FGF14: variants seen among roughly 807,000 people sequenced by gnomAD.
FGF14 encodes fibroblast growth factor homologous factor 4.
A neutral mutation model predicts 25.5 loss-of-function variants in FGF14; 5 were observed. The observed-to-expected ratio is 0.20, with a 90% CI of 0.10 to 0.41. FGF14 has a LOEUF of 0.41. FGF14 is among the 10% of genes least tolerant of loss of function. FGF14 has a pLI of 1.00. For missense variants in FGF14, 222 were observed against 320.1 expected (o/e 0.69, Z 2.34); for synonymous variants, 138 against 118.3 (o/e 1.17, Z -1.08).
chr13:102,208,203 C>T (rs567003218), intron 1 of FGF14, among the ~76,000 whole-genome samples: 3 of 152,290 alleles, frequency 2.0e-5, no homozygotes, highest in African/African-American at 7.2e-5. Context: ...AATCTGTTCT[C>T]TTTTTTCATT....
At chr13:101,875,758 A>G (rs1566359665) in intron 1 of FGF14, among the ~76,000 whole-genome samples, 1 of 152,110 alleles carries the variant, frequency 6.6e-6, no homozygotes, top group African/African-American at 2.4e-5. Flanking sequence ...AAAACAAAAA[A>G]TACCTATATT....
chr13:102,101,583 T>C (rs2044664255), intron 1 of FGF14, among the ~76,000 whole-genome samples: 1 of 152,222 alleles, frequency 6.6e-6, no homozygotes, highest in Non-Finnish European at 1.5e-5. Context: ...AAATACACTT[T>C]GCATTCATCC....
chr13:102,168,652 T>C (rs2140659150), intron 1 of FGF14, among the ~76,000 whole-genome samples: 1 of 152,290 alleles, frequency 6.6e-6, no homozygotes. Context: ...AATCACTGGA[T>C]TCCTTATTTT....
At chr13:101,830,789 G>A (rs2042632744) in intron 3 of FGF14, among the ~76,000 whole-genome samples, 1 of 152,092 alleles carries the variant, frequency 6.6e-6, no homozygotes, top group African/African-American at 2.4e-5. Flanking sequence ...AAATCAAGGT[G>A]TTGGCAGACT....
At chr13:102,394,020 G>A (rs148664298) in intron 1 of FGF14, among the ~76,000 whole-genome samples, 8 of 152,312 alleles carry the variant, frequency 5.3e-5, no homozygotes, top group Non-Finnish European at 1.0e-4. Context: ...ATTAGAGCTG[G>A]GGCTGATCTG....
At chr13:102,322,123 C>G (rs1486627402) in intron 1 of FGF14, among the ~76,000 whole-genome samples, 1 of 152,150 alleles carries the variant, frequency 6.6e-6, no homozygotes, top group African/African-American at 2.4e-5. Flanking sequence ...GATTTGCCTT[C>G]TAGGAAGAGC....
intron 3 of FGF14, among the ~76,000 whole-genome samples, chr13:101,731,124 CAAAG>C (rs1474602476): frequency 6.6e-6 from 1 of 152,078 alleles, no homozygotes; most frequent in Non-Finnish European, 1.5e-5. Flanking sequence ...CAGCAAGAAC[CAAAG>C]AAAGAGGAGC....
chr13:101,732,888 C>A (rs868215031), intron 3 of FGF14, among the ~76,000 whole-genome samples: 97 of 152,096 alleles, frequency 6.4e-4, no homozygotes, highest in Non-Finnish European at 1.2e-3. Flanking sequence ...TTTTTTTCTT[C>A]CCTTTTCTAC....
intron 1 of FGF14, among the ~76,000 whole-genome samples, chr13:102,303,448 A>G (rs1272519027): frequency 6.6e-6 from 1 of 152,240 alleles, no homozygotes; most frequent in Non-Finnish European, 1.5e-5. Context: ...TTTCAAAACT[A>G]TAAATAAAAG....
At chr13:102,207,594 T>C (rs2049983669) in intron 1 of FGF14, among the ~76,000 whole-genome samples, 1 of 137,804 alleles carries the variant, frequency 7.3e-6, no homozygotes, top group Non-Finnish European at 1.5e-5. Flanking sequence ...TTGCAACATC[T>C]GTCCTTGAGA....
chr13:102,224,748 A>G (rs1340504484), intron 1 of FGF14, among the ~76,000 whole-genome samples: 1 of 152,216 alleles, frequency 6.6e-6, no homozygotes, highest in African/African-American at 2.4e-5. Flanking sequence ...ATAAGACATT[A>G]TATAATTACT....
intron 1 of FGF14, among the ~76,000 whole-genome samples, chr13:102,166,410 G>T (rs2048014646): frequency 6.6e-6 from 1 of 152,006 alleles, no homozygotes; most frequent in African/African-American, 2.4e-5. Flanking sequence ...ACAGACAAGT[G>T]CAGCATAGAG....
chr13:101,825,491 A>G (rs1594388304), intron 3 of FGF14, among the ~76,000 whole-genome samples: 1 of 152,142 alleles, frequency 6.6e-6, no homozygotes, highest in Non-Finnish European at 1.5e-5. Context: ...TTATCTCTAC[A>G]TTTTCAATCT....
intron 1 of FGF14, among the ~76,000 whole-genome samples, chr13:102,000,577 GA>G (rs2039437648): frequency 6.6e-6 from 1 of 151,936 alleles, no homozygotes; most frequent in South Asian, 2.1e-4. Flanking sequence ...TACTATAAAA[GA>G]AAAAAAGGTA....
At chr13:102,321,619 A>G (rs2056247533) in intron 1 of FGF14, among the ~76,000 whole-genome samples, 1 of 152,168 alleles carries the variant, frequency 6.6e-6, no homozygotes, top group African/African-American at 2.4e-5. Flanking sequence ...AAGGTAACTG[A>G]ATAGGGACCT....
At chr13:102,085,051 G>A (rs1478780027) in intron 1 of FGF14, among the ~76,000 whole-genome samples, 2 of 152,192 alleles carry the variant, frequency 1.3e-5, no homozygotes, top group South Asian at 2.1e-4. Context: ...ATTTGAAACA[G>A]AGCAAAGTTA....
In FGF14 at chr13:102,112,424, C is replaced by T. The variant is rs146778202; in HGVS notation, c.209-237128G>A. ...TGTTTAAAATCCGAGTCACTTCTCACGCATGGAATTCTCACACACCACCCG... is the reference window on the plus strand; with the variant it reads ...TGTTTAAAATCCGAGTCACTTCTCATGCATGGAATTCTCACACACCACCCG... On this transcript the variant is annotated intron_variant, in intron 1 of 4. Coordinates refer to the FGF14 transcript ENST00000376131. Among the ~76,000 whole-genome samples the T allele has an allele frequency of 3.8e-3, 581 of 152,260 alleles. 3 individuals are homozygous for T. Among genetic ancestry groups the T allele is most frequent in the Non-Finnish European group, 6.2e-3 (420 of 68,004 alleles).
intron 1 of FGF14, among the ~76,000 whole-genome samples, chr13:101,901,583 A>T (rs1210021922): frequency 6.6e-6 from 1 of 152,136 alleles, no homozygotes; most frequent in Non-Finnish European, 1.5e-5. Context: ...GTGCACCTGT[A>T]ACCCCAGCTG....
intron 1 of FGF14, among the ~76,000 whole-genome samples, chr13:102,113,113 A>G (rs2045310885): frequency 6.6e-6 from 1 of 152,242 alleles, no homozygotes; most frequent in African/African-American, 2.4e-5. Flanking sequence ...CTAAAGACAA[A>G]TATTTCACCA....
Sources: gnomAD v4.1 joint callset for allele counts (sites outside exome capture counted in the v4.1 genomes callset) on GRCh38, gnomAD v4.1.1 for gene constraint, MANE v1.5 for transcripts, NCBI Gene and HGNC (gene_info 2026-07-23, HGNC 2026-07-21) for gene names.